CBR4: variants seen among roughly 807,000 people sequenced by gnomAD.
CBR4 encodes the protein carbonyl reductase 4.
A neutral mutation model predicts 21.0 loss-of-function variants in CBR4; 22 were observed. The ratio of observed to expected loss-of-function variants is 1.05; its 90% CI spans 0.75 to 1.50. The LOEUF is 1.50. Among genes scored for constraint, CBR4 ranks in the 40% most tolerant of loss-of-function variants. The pLI is 0.00. For synonymous variants in CBR4, 100 were observed against 104.4 expected (o/e 0.96, Z 0.26); for missense variants, 302 against 286.3 (o/e 1.05, Z -0.40).
At position 168,988,824 on chromosome 4, in the gene CBR4, T is replaced by C; in HGVS notation, c.*1326A>G. 2 of 954,200 alleles carry C rather than the reference T, an allele frequency of 2.1e-6. No homozygotes were observed. The highest frequency in any genetic ancestry group is 1.8e-5 in the African/African-American group (1 of 56,698). The allele number at this position is 954,200 out of a possible 1,614,324, so 59.1% of individuals were successfully genotyped here. A position where few individuals can be genotyped will look rare whatever the true frequency, so the allele number is the denominator to read the frequency against. ...TTTTTATTTAGAACACTGCTTTGAC[T>C]TTTGTTATTACTTTGTATTTATTAG... On this transcript the variant is annotated 3_prime_UTR_variant, in exon 5 of 5. Transcript: ENST00000306193.
intron 2 of CBR4, among the ~76,000 whole-genome samples, chr4:168,922,645 A>G (rs753508067): frequency 1.3e-5 from 2 of 152,238 alleles, no homozygotes; most frequent in Non-Finnish European, 2.9e-5. Flanking sequence ...TGATAATGGT[A>G]CCAAGATGTT....
chr4:168,911,286 CAAGTTT>C (rs1758887399), intron 2 of CBR4, among the ~76,000 whole-genome samples: 1 of 152,208 alleles, frequency 6.6e-6, no homozygotes, highest in South Asian at 2.1e-4. Flanking sequence ...TTTCCAAATT[CAAGTTT>C]AAGTCTGAAT....
chr4:168,929,784 G>C (rs1008562513), intron 2 of CBR4, among the ~76,000 whole-genome samples: 1 of 152,150 alleles, frequency 6.6e-6, no homozygotes, highest in Admixed American at 6.5e-5. Context: ...TTGTGCTGCT[G>C]TGAAGATTAT....
At chr4:168,964,138 T>C (rs1363259636) in intron 2 of CBR4, among the ~76,000 whole-genome samples, 1 of 152,206 alleles carries the variant, frequency 6.6e-6, no homozygotes, top group Admixed American at 6.5e-5. Context: ...TCTGTGGAAA[T>C]GGCATCTGAG....
chr4:168,931,711 C>T (rs918187007), intron 2 of CBR4, among the ~76,000 whole-genome samples: 4 of 152,186 alleles, frequency 2.6e-5, no homozygotes, highest in South Asian at 2.1e-4. Context: ...TTGGTTGACA[C>T]CGTTCACACA....
At chr4:168,916,166 A>G (rs1394157156) in intron 2 of CBR4, 5 of 860,226 alleles carry the variant, frequency 5.8e-6, no homozygotes, top group Non-Finnish European at 9.7e-6. Flanking sequence ...TAATCCCAGC[A>G]CTTTAGAGTC....
chr4:169,010,040 G>C lies in CBR4; in HGVS notation c.50C>G (p.Ala17Gly). The C allele has an allele frequency of 2.5e-6, 4 of 1,613,930 alleles. No homozygotes were observed. The highest frequency in any genetic ancestry group is 2.2e-5 in the East Asian group (1 of 44,850). The change falls in exon 1 of 5, where the codon GCT becomes GGT. Residue 17 changes from alanine (A) to glycine (G), a missense_variant. By Grantham distance (60) the Ala-to-Gly change is moderately conservative. Coordinates refer to ENST00000306193, the MANE Select transcript of CBR4 (RefSeq NM_032783.5). Reference sequence around the variant, plus strand: ...TTTCCGGGCCATTAACTGGGCCACAGCTCTGCCAATGCCTCGGGAGCCTCC... The same window carrying C: ...TTTCCGGGCCATTAACTGGGCCACACCTCTGCCAATGCCTCGGGAGCCTCC... ...VFGGSRGIGR[A>G]VAQLMARKGY...
At chr4:168,973,812 G>A (rs898691920) in intron 2 of CBR4, among the ~76,000 whole-genome samples, 1 of 152,098 alleles carries the variant, frequency 6.6e-6, no homozygotes, top group African/African-American at 2.4e-5. Flanking sequence ...TCTCCTCTAG[G>A]TTTTCTAGTT....
At chr4:168,894,692 TG>T (rs1243533027) in exon 3 of CBR4, 1 of 1,611,380 alleles carries the variant, frequency 6.2e-7, no homozygotes, top group Non-Finnish European at 8.5e-7. Context: ...CATGTTGCTC[TG>T]GACTTCTTAG....
chr4:169,000,458 TCCC>T (rs1442643944), intron 4 of CBR4, among the ~76,000 whole-genome samples: 2 of 151,656 alleles, frequency 1.3e-5, no homozygotes, highest in Non-Finnish European at 2.9e-5. Flanking sequence ...TTTTGATAAA[TCCC>T]TGATACCTGC....
chr4:168,982,131 G>A (rs976264484), intron 2 of CBR4, among the ~76,000 whole-genome samples: 1 of 152,118 alleles, frequency 6.6e-6, no homozygotes, highest in African/African-American at 2.4e-5. Flanking sequence ...TGGAAAACGG[G>A]ATAAAGAAGC....
chr4:168,927,718 G>A (rs1246224111), intron 2 of CBR4: 1 of 223,394 alleles, frequency 4.5e-6, no homozygotes, highest in Admixed American at 5.7e-5. Context: ...GGTAAAGACT[G>A]CTTTTTGAAT....
At chr4:168,928,724 G>GCT (rs954262485) in intron 2 of CBR4, among the ~76,000 whole-genome samples, 5 of 152,252 alleles carry the variant, frequency 3.3e-5, no homozygotes, top group Admixed American at 6.5e-5. Context: ...TCAGCCAGGA[G>GCT]CTCTCTCTCT....
intron 2 of CBR4, among the ~76,000 whole-genome samples, chr4:168,968,546 C>T (rs1764110869): frequency 6.6e-6 from 1 of 152,232 alleles, no homozygotes; most frequent in Non-Finnish European, 1.5e-5. Flanking sequence ...TCAATAGTTG[C>T]TTATGAAGTA....
intron 2 of CBR4, among the ~76,000 whole-genome samples, chr4:168,920,280 C>T (rs1761181348): frequency 6.6e-6 from 1 of 152,310 alleles, no homozygotes; most frequent in East Asian, 1.9e-4. Flanking sequence ...TTTCCAAAAC[C>T]TCTTCATCCT....
rs771236482 is a variant in CBR4 at position 169,010,138 on chromosome 4, C to G, written c.-49G>C. 9 of 1,478,860 alleles carry G rather than the reference C, an allele frequency of 6.1e-6. No individual in the cohort carries two copies. The highest frequency in any genetic ancestry group is 8.2e-6 in the Non-Finnish European group (9 of 1,101,198). 91.6% of individuals were successfully genotyped at this position (1,478,860 alleles called of 1,614,324 possible). A position where few individuals can be genotyped will look rare whatever the true frequency, so the allele number is the denominator to read the frequency against. On this transcript the variant is annotated 5_prime_UTR_variant, in exon 1 of 5. Transcript: ENST00000306193. ...AAGAGGGTAGGGAGTGGGAGCCCCT[C>G]TCCAGGTTCCCTCAGGCTTTTAAAC...
intron 2 of CBR4, among the ~76,000 whole-genome samples, chr4:168,954,242 T>G (rs576546876): frequency 3.9e-5 from 6 of 152,338 alleles, no homozygotes; most frequent in African/African-American, 1.4e-4. Flanking sequence ...ACTGAAAGAC[T>G]TAAGACAATG....
chr4:168,962,134 C>T (rs1397511686), intron 2 of CBR4, among the ~76,000 whole-genome samples: 1 of 151,748 alleles, frequency 6.6e-6, no homozygotes, highest in Non-Finnish European at 1.5e-5. Context: ...AAAGAAAACA[C>T]AAAGGAAAAC....
chr4:168,934,317 C>A (rs1277973438), intron 2 of CBR4, among the ~76,000 whole-genome samples: 2 of 114,896 alleles, frequency 1.7e-5, no homozygotes, highest in African/African-American at 6.2e-5. Flanking sequence ...AAGCCAAACC[C>A]AAAATTAGCA....
Sources: gnomAD v4.1 joint callset for allele counts (sites outside exome capture counted in the v4.1 genomes callset) on GRCh38, gnomAD v4.1.1 for gene constraint, MANE v1.5 for transcripts, NCBI Gene and HGNC (gene_info 2026-07-23, HGNC 2026-07-21) for gene names.